Variants in TRPC4 observed in about 807,000 individuals in gnomAD.
TRPC4 encodes the protein transient receptor potential cation channel subfamily C member 4.
In TRPC4, 49 loss-of-function variants were observed where a neutral mutation model predicts 99.4. The ratio of observed to expected loss-of-function variants is 0.49; its 90% confidence interval spans 0.39 to 0.63. The LOEUF is 0.63. Among genes scored for constraint, TRPC4 ranks in the 20% least tolerant of loss-of-function variants. The pLI, the probability that TRPC4 is intolerant of heterozygous loss-of-function variation, is 0.00. For synonymous variants in TRPC4, 454 were observed against 425.9 expected, an observed-to-expected ratio of 1.07 and a Z score of -0.81; for missense variants, 898 against 1,152.9, an observed-to-expected ratio of 0.78 and a Z score of 3.20.
intron 1 of TRPC4, among the ~76,000 whole-genome samples, chr13:37,863,889 C>A (rs1270190325): frequency 1.3e-5 from 2 of 151,576 alleles, no homozygotes; most frequent in Non-Finnish European, 3.0e-5. Flanking sequence ...ATTCAAAAAG[C>A]ACATAGTCAG....
In TRPC4 at chr13:37,847,830, G is replaced by A. The variant is rs116952295; in HGVS notation, c.-28+21765C>T. Among the ~76,000 whole-genome samples the A allele has an allele frequency of 1.2e-4, 19 of 152,208 alleles. No individual in the cohort carries two copies. In the East Asian group the frequency reaches 3.7e-3, roughly 29 times the overall value. ...CAAATATATACAGTGGACTCATAAA[G>A]TTGAACTCACAGAAATAGAGTAGAA... On this transcript the variant is annotated intron_variant, in intron 1 of 10. Transcript: ENST00000379705.
chr13:37,835,385 T>C (rs571415525), intron 1 of TRPC4, among the ~76,000 whole-genome samples: 1 of 152,360 alleles, frequency 6.6e-6, no homozygotes, highest in South Asian at 2.1e-4. Flanking sequence ...TGCTTGTTTC[T>C]GCTAAAGGCA....
intron 2 of TRPC4, among the ~76,000 whole-genome samples, chr13:37,748,919 A>G (rs1001265185): frequency 1.3e-5 from 2 of 152,196 alleles, no homozygotes; most frequent in African/African-American, 2.4e-5. Context: ...TGAATGGTCA[A>G]TTGGTTGGTC....
chr13:37,832,909 A>G (rs1664736242), intron 1 of TRPC4, among the ~76,000 whole-genome samples: 1 of 152,094 alleles, frequency 6.6e-6, no homozygotes, highest in African/African-American at 2.4e-5. Flanking sequence ...TTTATGCTAA[A>G]CTATTTTCAT....
At chr13:37,817,236 G>C (rs1469208082) in intron 1 of TRPC4, among the ~76,000 whole-genome samples, 2 of 151,922 alleles carry the variant, frequency 1.3e-5, no homozygotes, top group Admixed American at 1.3e-4. Context: ...CAACAGTCAA[G>C]CTGAGAGCAA....
intron 1 of TRPC4, among the ~76,000 whole-genome samples, chr13:37,841,356 C>T (rs1056177971): frequency 1.3e-5 from 2 of 151,812 alleles, no homozygotes; most frequent in African/African-American, 4.8e-5. Context: ...CTTGTTTTCT[C>T]GGTTCCTTAC....
At chr13:37,694,489 T>C (rs999408312) in intron 3 of TRPC4, among the ~76,000 whole-genome samples, 1 of 152,130 alleles carries the variant, frequency 6.6e-6, no homozygotes, top group Admixed American at 6.5e-5. Context: ...CTTAGGAGAA[T>C]TTAAGGTTTG....
intron 5 of TRPC4, among the ~76,000 whole-genome samples, chr13:37,670,638 C>G (rs964383579): frequency 3.3e-5 from 5 of 152,204 alleles, no homozygotes; most frequent in Non-Finnish European, 7.4e-5. Flanking sequence ...ATCATCTTCT[C>G]CTATGTTCAC....
chr13:37,865,333 A>T (rs1959668187), intron 1 of TRPC4, among the ~76,000 whole-genome samples: 1 of 151,748 alleles, frequency 6.6e-6, no homozygotes, highest in Admixed American at 6.6e-5. Context: ...AAGACATTTT[A>T]TTACCAGCTT....
At chr13:37,837,321 T>C (rs1474170947) in intron 1 of TRPC4, among the ~76,000 whole-genome samples, 1 of 152,198 alleles carries the variant, frequency 6.6e-6, no homozygotes, top group African/African-American at 2.4e-5. Context: ...TAGAATGGTG[T>C]ATCCACCAAC....
chr13:37,772,528 T>C (rs1001688679), intron 2 of TRPC4, among the ~76,000 whole-genome samples: 3 of 151,764 alleles, frequency 2.0e-5, no homozygotes, highest in Non-Finnish European at 4.4e-5. Context: ...TGTATGTATA[T>C]GCATATATAC....
chr13:37,748,981 G>A (rs942492573), intron 2 of TRPC4, among the ~76,000 whole-genome samples: 16 of 152,080 alleles, frequency 1.1e-4, no homozygotes, highest in Admixed American at 3.9e-4. Context: ...ATCTTGAATT[G>A]TACTCCTCAT....
intron 3 of TRPC4, among the ~76,000 whole-genome samples, chr13:37,726,843 G>A (rs1566124506): frequency 6.6e-6 from 1 of 151,846 alleles, no homozygotes; most frequent in Non-Finnish European, 1.5e-5. Flanking sequence ...AATAAAAAAG[G>A]TGAAAAAAGA....
intron 2 of TRPC4, among the ~76,000 whole-genome samples, chr13:37,767,249 T>C (rs1420155651): frequency 1.3e-5 from 2 of 151,268 alleles, no homozygotes; most frequent in Non-Finnish European, 3.0e-5. Flanking sequence ...CTGTATATTC[T>C]ATTGCTTAAA....
intron 1 of TRPC4, among the ~76,000 whole-genome samples, chr13:37,812,187 A>AAAC (rs1957714426): frequency 1.3e-5 from 2 of 148,790 alleles, no homozygotes; most frequent in Admixed American, 1.3e-4. Flanking sequence ...AAAAAAAAAA[A>AAAC]AAAAAAAACC....
intron 3 of TRPC4, among the ~76,000 whole-genome samples, chr13:37,715,747 AT>A (rs1390571313): frequency 1.3e-5 from 2 of 152,194 alleles, no homozygotes; most frequent in Non-Finnish European, 2.9e-5. Flanking sequence ...TCATAACATC[AT>A]AGGCTGTTTT....
At chr13:37,707,671 G>A (rs1224240230) in intron 3 of TRPC4, among the ~76,000 whole-genome samples, 1 of 152,084 alleles carries the variant, frequency 6.6e-6, no homozygotes, top group Non-Finnish European at 1.5e-5. Context: ...GATTCAGGCA[G>A]TCCTATAGAC....
chr13:37,768,122 T>C (rs763784069), intron 2 of TRPC4, among the ~76,000 whole-genome samples: 14 of 151,512 alleles, frequency 9.2e-5, no homozygotes, highest in Non-Finnish European at 1.9e-4. Flanking sequence ...TAAATGAGGA[T>C]AATAATGTGA....
At chr13:37,847,853 G>A (rs1214865764) in intron 1 of TRPC4, among the ~76,000 whole-genome samples, 2 of 152,072 alleles carry the variant, frequency 1.3e-5, no homozygotes, top group African/African-American at 4.8e-5. Context: ...AAATAGAGTA[G>A]AATGATGGTT....
Sources: gnomAD v4.1 joint callset for allele counts (sites outside exome capture counted in the v4.1 genomes callset) on GRCh38, gnomAD v4.1.1 for gene constraint, MANE v1.5 for transcripts, NCBI Gene and HGNC (gene_info 2026-07-23, HGNC 2026-07-21) for gene names.